TOM1: variants seen among roughly 807,000 people sequenced by gnomAD.
TOM1 encodes target of Myb protein 1.
Under a neutral mutation model 61.3 loss-of-function variants are expected in TOM1, and 38 were observed. The observed-to-expected ratio is 0.62, with a 90% confidence interval of 0.48 to 0.81. The LOEUF is 0.81. Ranked by LOEUF, TOM1 falls within the 40% of genes least tolerant of loss-of-function variation. TOM1 has a pLI of 0.00. For missense variants in TOM1, 591 were observed against 659.6 expected (o/e 0.90, Z 1.14); for synonymous variants, 270 against 268.8 (o/e 1.00, Z -0.04).
At chr22:35,325,085 T>C (rs1211830143) in intron 6 of TOM1, among the ~76,000 whole-genome samples, 1 of 152,220 alleles carries the variant, frequency 6.6e-6, no homozygotes, top group Non-Finnish European at 1.5e-5. Flanking sequence ...TTCTAGACTT[T>C]TGGCTGCTGG....
chr22:35,327,452 T>C, intron 7 of TOM1, 65 bp downstream of exon 7: 3 of 1,133,538 alleles, frequency 2.6e-6, no homozygotes, highest in Non-Finnish European at 2.6e-6. Flanking sequence ...CATGCATTCT[T>C]TCCCAATCCT....
At chr22:35,300,039 C>T (rs952047355) in intron 1 of TOM1, 59 bp downstream of exon 1, 4 of 1,541,228 alleles carry the variant, frequency 2.6e-6, no homozygotes, top group Admixed American at 4.0e-5. Flanking sequence ...GCTTCGGTCC[C>T]CTGGGAAGCC....
rs555752369 is a variant in TOM1, at chr22:35,334,566, C to T, written c.1148+118C>T. 1,740 of 1,264,132 alleles carry T rather than the reference C, an allele frequency of 1.4e-3. 2 individuals are homozygous for T. The highest frequency in any genetic ancestry group is 1.9e-3 in the Non-Finnish European group (1,649 of 886,920). 78.3% of individuals were successfully genotyped at this position (1,264,132 alleles called of 1,614,324 possible). A position where few individuals can be genotyped will look rare whatever the true frequency, so the allele number is the denominator to read the frequency against. On this transcript the variant is annotated intron_variant, in intron 11 of 14. Transcript: ENST00000449058. ...GCACACGGACCCTGCTTAGTAAGCA[C>T]GCCCTTAGTATCCCCTAAGTCAGTC...
chr22:35,314,781 C>T (rs1927140834), intron 1 of TOM1, among the ~76,000 whole-genome samples: 1 of 152,220 alleles, frequency 6.6e-6, no homozygotes, highest in Non-Finnish European at 1.5e-5. Context: ...GCGGATGGCA[C>T]AGAAGCCTCA....
chr22:35,320,368 C>T (rs183679312), intron 2 of TOM1, among the ~76,000 whole-genome samples: 31 of 152,132 alleles, frequency 2.0e-4, no homozygotes, highest in Admixed American at 2.0e-3. Context: ...TGTATAGGGC[C>T]GAGGGTGGAG....
In TOM1 at chr22:35,321,979, CA is replaced by C. The variant is rs1365051076; in HGVS notation, c.159del (p.Val54Ter). ...TEEGPKDALRAVKKRIVGNKN... is the reference protein window; with the variant it reads ...TEEGPKDALRXVKKRIVGNKN... Reference sequence around the variant, plus strand: ...CTTAGTCCCAAAGATGCCCTCCGAGCAGTAAAGAAGAGAATCGTGGGGAATA... The same window carrying C: ...CTTAGTCCCAAAGATGCCCTCCGAGCGTAAAGAAGAGAATCGTGGGGAATA... On this transcript the variant is annotated frameshift_variant, in exon 3 of 15. Transcript: ENST00000449058. LOFTEE classifies it high-confidence loss of function. 2 of 1,614,032 alleles carry C rather than the reference CA, an allele frequency of 1.2e-6. No homozygotes were observed. Among genetic ancestry groups the C allele is most frequent in the Non-Finnish European group, 8.5e-7 (1 of 1,180,010 alleles).
intron 1 of TOM1, among the ~76,000 whole-genome samples, chr22:35,314,343 C>T: frequency 6.6e-6 from 1 of 152,118 alleles, no homozygotes. Context: ...TCCCACCCCG[C>T]AGAAAACCTC....
At position 35,323,811 on chromosome 22, in the gene TOM1, G is replaced by C; in HGVS notation, c.545G>C (p.Gly182Ala). Residue 182 changes from glycine to alanine, a missense_variant, in exon 6 of 15, where the codon GGC (glycine) becomes GCC (alanine). Coordinates refer to ENST00000449058, the MANE Select transcript of TOM1 (RefSeq NM_005488.3). The surrounding 1 kb of genome is among the most constrained non-coding windows in gnomAD (Gnocchi z 4.2). The part of the protein sequence containing the change: ...SETQSGQDSV[G>A]TDSSQQEDSG... The stretch of plus-strand genomic sequence containing the variant: ...ACACAATCAGGACAGGATTCTGTGG[G>C]CACTGACTCCAGCCAGCAAGAGGAC... The C allele has an allele frequency of 6.2e-7, 1 of 1,613,056 alleles. No individual in the cohort carries two copies.
At chr22:35,312,135 C>CT (rs1173916061) in intron 1 of TOM1, among the ~76,000 whole-genome samples, 3 of 151,844 alleles carry the variant, frequency 2.0e-5, no homozygotes, top group Non-Finnish European at 4.4e-5. Flanking sequence ...ATCCCAGCTA[C>CT]TTTGGGGGCT....
At position 35,323,854 on chromosome 22, in the gene TOM1, C is replaced by T; in HGVS notation, c.588C>T (p.Ala196=). ...SQQEDSGQHA[A]PLPAPPILSG... Reference sequence around the variant, plus strand: ...AAGAGGACTCTGGCCAGCATGCTGCCCCTCTGCCCGCCCCGCCCATACTCT... The same window carrying T: ...AAGAGGACTCTGGCCAGCATGCTGCTCCTCTGCCCGCCCCGCCCATACTCT... The change falls in exon 6 of 15, where the codon GCC becomes GCT. Residue 196 remains alanine, a synonymous_variant. Coordinates refer to ENST00000449058, the MANE Select transcript of TOM1 (RefSeq NM_005488.3). The surrounding 1 kb of genome is among the most constrained non-coding windows in gnomAD (Gnocchi z 4.2). 1 of 1,611,966 alleles carries T rather than the reference C, an allele frequency of 6.2e-7. No individual in the cohort carries two copies. The highest frequency in any genetic ancestry group is 8.5e-7 in the Non-Finnish European group (1 of 1,178,854).
At chr22:35,304,647 T>C (rs1018535737) in intron 1 of TOM1, among the ~76,000 whole-genome samples, 1 of 151,970 alleles carries the variant, frequency 6.6e-6, no homozygotes, top group Non-Finnish European at 1.5e-5. Flanking sequence ...CCTGGCTAAT[T>C]TTTTGTATTT....
chr22:35,341,048 C>T (rs924265303), intron 12 of TOM1, among the ~76,000 whole-genome samples: 1 of 152,220 alleles, frequency 6.6e-6, no homozygotes, highest in Non-Finnish European at 1.5e-5. Flanking sequence ...TCACATCCAC[C>T]GCACACACCA....
At chr22:35,319,857 G>A (rs3788511) in intron 2 of TOM1, among the ~76,000 whole-genome samples, 17,002 of 152,216 alleles carry the variant, frequency 0.11, 1,194 homozygotes, top group South Asian at 0.16. Flanking sequence ...TTTCCCCACC[G>A]TGTCCCTTCC....
At chr22:35,340,765 G>C (rs1929805384) in intron 12 of TOM1, among the ~76,000 whole-genome samples, 1 of 152,136 alleles carries the variant, frequency 6.6e-6, no homozygotes, top group Non-Finnish European at 1.5e-5. Flanking sequence ...AAGGAAAGCA[G>C]GGAGGGACGA....
chr22:35,299,866 TCGGTGGCGCTGGCGGTTG>T (rs1280960929), upstream of TOM1: 1 of 1,538,998 alleles, frequency 6.5e-7, no homozygotes, highest in Admixed American at 2.0e-5. Flanking sequence ...ACGTGACGGG[TCGGTGGCGCTGGCGGTTG>T]CTGTCAGCTG....
At position 35,347,204 on chromosome 22, in the gene TOM1, T is replaced by G; in HGVS notation, c.1474T>G (p.Leu492Val). The G allele has an allele frequency of 6.2e-7, 1 of 1,607,138 alleles. No individual in the cohort carries two copies. The highest frequency in any genetic ancestry group is 1.7e-4 in the Middle Eastern group (1 of 6,018). ...GAAAGATGATGACATGCTGTTTGCC[T>G]TATGAGTGTGGGGTCTGGCACCCTG... ...QEKDDDMLFA[L>V] Residue 492 changes from leucine to valine, a missense_variant, in exon 15 of 15, where the codon TTA becomes GTA. Coordinates refer to ENST00000449058, the MANE Select transcript of TOM1 (RefSeq NM_005488.3).
In TOM1 at chr22:35,340,581, T is replaced by C. The variant is rs5995088; in HGVS notation, c.1224+1793T>C. 7.3e-4 allele frequency among the ~76,000 whole-genome samples: 111 copies of C among 152,174 alleles called. 1 individual carries two copies. The highest frequency in any genetic ancestry group is 2.1e-3 in the African/African-American group (87 of 41,486). On this transcript the variant is annotated intron_variant, in intron 12 of 14. Coordinates refer to ENST00000449058, the MANE Select transcript of TOM1 (RefSeq NM_005488.3). ...GGGCAACATGGGGAAACCCCATCTC[T>C]ACAAAATATTTAAAAATTATCCGGG... is the stretch of plus-strand genomic sequence containing the variant.
intron 2 of TOM1, among the ~76,000 whole-genome samples, chr22:35,320,967 G>C: frequency 9.5e-6 from 1 of 105,814 alleles, no homozygotes; most frequent in East Asian, 3.0e-4. Flanking sequence ...GGGCGACAGA[G>C]TGAGACTCTG....
chr22:35,334,862 A>C (rs78603240), intron 11 of TOM1, among the ~76,000 whole-genome samples: 1,595 of 120,504 alleles, frequency 0.013, 37 homozygotes, highest in African/African-American at 0.046. Context: ...TGTGTACCGC[A>C]TAGTAAGCCC....
Sources: gnomAD v4.1 joint callset for allele counts (sites outside exome capture counted in the v4.1 genomes callset) on GRCh38, gnomAD v4.1.1 for gene constraint, Gnocchi (gnomAD v3.1) non-coding constraint, MANE v1.5 for transcripts, NCBI Gene and HGNC (gene_info 2026-07-23, HGNC 2026-07-21) for gene names.